Variants in LEKR1 observed in about 807,000 individuals in gnomAD.
LEKR1 encodes the protein protein LEKR1.
LEKR1 carries 59 observed loss-of-function variants against 72.4 expected under a neutral mutation model. The ratio of observed to expected loss-of-function variants is 0.82; its 90% confidence interval spans 0.66 to 1.01. The LOEUF is 1.01. Among genes scored for constraint, LEKR1 ranks in the 50% least tolerant of loss-of-function variants. LEKR1 has a pLI of 0.00. For missense variants in LEKR1, 728 were observed against 759.2 expected (o/e 0.96, Z 0.48); for synonymous variants, 257 against 263.2 (o/e 0.98, Z 0.23).
intron 6 of LEKR1, among the ~76,000 whole-genome samples, chr3:156,948,727 T>A (rs536936984): frequency 6.6e-6 from 1 of 151,642 alleles, no homozygotes; most frequent in East Asian, 1.9e-4. Flanking sequence ...TGCTTTTAGC[T>A]CCTTGAGGAA....
chr3:156,850,684 C>T (rs1715246079), intron 2 of LEKR1, among the ~76,000 whole-genome samples: 2 of 152,200 alleles, frequency 1.3e-5, no homozygotes, highest in South Asian at 4.1e-4. Flanking sequence ...ATTACAGGCC[C>T]AGTTGGCTCA....
At chr3:156,848,412 A>G (rs1180026234) in intron 2 of LEKR1, among the ~76,000 whole-genome samples, 2 of 152,186 alleles carry the variant, frequency 1.3e-5, no homozygotes. Context: ...TTGTGAGGAT[A>G]TATTAGACAA....
intron 6 of LEKR1, among the ~76,000 whole-genome samples, chr3:156,958,574 T>C (rs993169851): frequency 1.4e-4 from 21 of 152,276 alleles, no homozygotes; most frequent in African/African-American, 5.1e-4. Flanking sequence ...CTCTGCCTAC[T>C]GTCTATTAAC....
At chr3:156,869,062 G>A (rs1717624035) in intron 3 of LEKR1, among the ~76,000 whole-genome samples, 1 of 152,020 alleles carries the variant, frequency 6.6e-6, no homozygotes, top group African/African-American at 2.4e-5. Flanking sequence ...ATTTCATTGT[G>A]TATGTATATC....
At chr3:156,966,532 T>C (rs1275212896) in intron 6 of LEKR1, among the ~76,000 whole-genome samples, 1 of 152,178 alleles carries the variant, frequency 6.6e-6, no homozygotes, top group African/African-American at 2.4e-5. Context: ...CGCTCATTGC[T>C]AGCACAGCAG....
intron 6 of LEKR1, among the ~76,000 whole-genome samples, chr3:156,972,038 AC>A (rs1360891021): frequency 6.6e-6 from 1 of 152,208 alleles, no homozygotes; most frequent in Non-Finnish European, 1.5e-5. Flanking sequence ...AGATACATGC[AC>A]ATGTATGTTT....
intron 2 of LEKR1, among the ~76,000 whole-genome samples, chr3:156,834,583 G>A (rs148950501): frequency 0.018 from 2,751 of 152,198 alleles, 37 homozygotes; most frequent in South Asian, 0.029. Context: ...TAGGAACCTG[G>A]TAAGTAAGTA....
At chr3:157,040,809 C>T (rs1735287783) in intron 12 of LEKR1, among the ~76,000 whole-genome samples, 1 of 152,148 alleles carries the variant, frequency 6.6e-6, no homozygotes, top group South Asian at 2.1e-4. Context: ...CTGAGGAGGA[C>T]TTGCTTTCCT....
At chr3:156,950,608 G>GTA (rs1328979355) in intron 6 of LEKR1, among the ~76,000 whole-genome samples, 1 of 151,478 alleles carries the variant, frequency 6.6e-6, no homozygotes, top group East Asian at 1.9e-4. Flanking sequence ...GTGTGTGTGT[G>GTA]TATGTGTGTG....
intron 6 of LEKR1, among the ~76,000 whole-genome samples, chr3:156,971,099 G>C (rs557800634): frequency 1.3e-5 from 2 of 152,232 alleles, no homozygotes; most frequent in South Asian, 4.2e-4. Context: ...ATACTACAAG[G>C]CTACAGTAAA....
intron 3 of LEKR1, among the ~76,000 whole-genome samples, chr3:156,893,993 G>T (rs1384964297): frequency 6.6e-6 from 1 of 152,196 alleles, no homozygotes; most frequent in East Asian, 1.9e-4. Context: ...GAACTTAGAG[G>T]CTGAAGTGAA....
At chr3:156,910,207 G>T (rs1258455133) in intron 3 of LEKR1, among the ~76,000 whole-genome samples, 1 of 152,150 alleles carries the variant, frequency 6.6e-6, no homozygotes, top group East Asian at 1.9e-4. Context: ...ATTGCGCGAT[G>T]CTAGGCTTTG....
Position 156,900,781 on chromosome 3 carries a change from A to G in LEKR1, c.264-19794A>G, listed in dbSNP as rs546450858. ...GAATTTTCCTCAGAGTATGGCAGGCAGTAATTTGAATTTTGAATAAATACT... is the reference window on the plus strand; with the variant it reads ...GAATTTTCCTCAGAGTATGGCAGGCGGTAATTTGAATTTTGAATAAATACT... On this transcript the variant is annotated intron_variant, in intron 3 of 12. Coordinates refer to ENST00000356539, the MANE Select transcript of LEKR1 (RefSeq NM_001004316.3). Among the ~76,000 whole-genome samples, 4 of 152,326 alleles carry G rather than the reference A, an allele frequency of 2.6e-5. No homozygotes were observed. In the South Asian group the frequency reaches 8.3e-4, roughly 32 times the overall value.
intron 10 of LEKR1, among the ~76,000 whole-genome samples, chr3:157,013,041 C>T (rs2108024206): frequency 6.6e-6 from 1 of 152,182 alleles, no homozygotes; most frequent in South Asian, 2.1e-4. Flanking sequence ...GAGATCGTCT[C>T]TCATACCTAC....
intron 6 of LEKR1, among the ~76,000 whole-genome samples, chr3:156,974,259 AAAG>A (rs1729501948): frequency 6.6e-6 from 1 of 152,176 alleles, no homozygotes; most frequent in South Asian, 2.1e-4. Flanking sequence ...TATTGACTAA[AAAG>A]AATAAGAGTC....
At chr3:157,008,316 C>T (rs968607954) in intron 9 of LEKR1, among the ~76,000 whole-genome samples, 9 of 152,210 alleles carry the variant, frequency 5.9e-5, no homozygotes, top group Non-Finnish European at 1.3e-4. Flanking sequence ...CTGCACATTG[C>T]TTCACCTCGG....
At chr3:156,975,243 T>A (rs1576930157) in intron 6 of LEKR1, among the ~76,000 whole-genome samples, 1 of 152,040 alleles carries the variant, frequency 6.6e-6, no homozygotes, top group African/African-American at 2.4e-5. Context: ...TGAGTTCTTG[T>A]TTTTCCTTGT....
chr3:156,871,475 A>T (rs1717948932), intron 3 of LEKR1, among the ~76,000 whole-genome samples: 1 of 152,194 alleles, frequency 6.6e-6, no homozygotes, highest in East Asian at 1.9e-4. Flanking sequence ...TATACCCAGT[A>T]ATGGGATGGC....
intron 10 of LEKR1, among the ~76,000 whole-genome samples, chr3:157,014,697 A>G (rs1733168180): frequency 6.6e-6 from 1 of 152,196 alleles, no homozygotes; most frequent in Admixed American, 6.5e-5. Context: ...AATTGAATTA[A>G]TAAAATCTGA....
Sources: gnomAD v4.1 joint callset for allele counts (sites outside exome capture counted in the v4.1 genomes callset) on GRCh38, gnomAD v4.1.1 for gene constraint, MANE v1.5 for transcripts, NCBI Gene and HGNC (gene_info 2026-07-23, HGNC 2026-07-21) for gene names.